CDS2: variants seen among roughly 807,000 people sequenced by gnomAD.
CDS2 encodes phosphatidate cytidylyltransferase 2.
A neutral mutation model predicts 59.0 loss-of-function variants in CDS2; 47 were observed. That is an observed-to-expected ratio of 0.80 (90% CI 0.63 to 1.02). The LOEUF is 1.02. Among genes scored for constraint, CDS2 ranks in the 50% least tolerant of loss-of-function variants. The pLI, the probability that CDS2 is intolerant of heterozygous loss-of-function variation, is 0.00. For missense variants in CDS2, 356 were observed against 558.9 expected, an observed-to-expected ratio of 0.64 and a Z score of 3.66; for synonymous variants, 207 against 206.4, an observed-to-expected ratio of 1.00 and a Z score of -0.02.
At chr20:5,182,780 A>G (rs907532795) in intron 6 of CDS2, among the ~76,000 whole-genome samples, 3 of 152,226 alleles carry the variant, frequency 2.0e-5, no homozygotes, top group African/African-American at 7.2e-5. Flanking sequence ...TCACTAGAGA[A>G]CAGCTCCTCT....
intron 9 of CDS2, 88 bp from the exon 10 acceptor site, chr20:5,186,599 T>A: frequency 2.2e-6 from 3 of 1,387,440 alleles, no homozygotes; most frequent in Non-Finnish European, 3.0e-6. Flanking sequence ...CTAGGCACCC[T>A]CAGGAACATG....
intron 4 of CDS2, 98 bp from the exon 5 acceptor site, chr20:5,178,719 G>T (rs1376383075): frequency 4.0e-6 from 5 of 1,247,400 alleles, no homozygotes; most frequent in Admixed American, 1.8e-5. Flanking sequence ...AGGGTGGGGG[G>T]TATTCTGCTG....
At chr20:5,129,724 G>A (rs1320979289) in intron 1 of CDS2, among the ~76,000 whole-genome samples, 1 of 151,732 alleles carries the variant, frequency 6.6e-6, no homozygotes, top group Non-Finnish European at 1.5e-5. Context: ...TTATAGGCAT[G>A]AGCCACTGTA....
rs2090657492 is a variant in CDS2, at chr20:5,137,430, G to A, written c.57+10281G>A. 3.3e-5 allele frequency among the ~76,000 whole-genome samples: 5 copies of A among 151,866 alleles called. No homozygotes were observed. In the South Asian group the frequency reaches 1.0e-3, roughly 32 times the overall value. ...GGCTAATTTTTGTATTTTTAGTAGA[G>A]TTGGGTTTCACCATGTTAGCCAGGC... is the stretch of plus-strand genomic sequence containing the variant. On this transcript the variant is annotated intron_variant, in intron 1 of 12. Coordinates refer to ENST00000460006, the MANE Select transcript of CDS2 (RefSeq NM_003818.4).
At chr20:5,181,800 C>T (rs2091035421) in intron 5 of CDS2, among the ~76,000 whole-genome samples, 2 of 152,108 alleles carry the variant, frequency 1.3e-5, no homozygotes, top group South Asian at 4.1e-4. Flanking sequence ...TAAATAAATA[C>T]TGTAGGCAAT....
At chr20:5,176,834 C>A in intron 4 of CDS2, 89 bp downstream of exon 4, 1 of 883,592 alleles carries the variant, frequency 1.1e-6, no homozygotes, top group Non-Finnish European at 1.9e-6. Context: ...ATTTCTATCA[C>A]TTGCTATAGA....
chr20:5,145,247 C>A (rs866385395), intron 1 of CDS2, among the ~76,000 whole-genome samples: 15 of 118,596 alleles, frequency 1.3e-4, no homozygotes, highest in African/African-American at 4.4e-4. Context: ...CCCCCCCCCC[C>A]GCCCCCGCCA....
intron 4 of CDS2, among the ~76,000 whole-genome samples, chr20:5,178,488 G>T (rs2091009932): frequency 6.6e-6 from 1 of 152,172 alleles, no homozygotes; most frequent in African/African-American, 2.4e-5. Flanking sequence ...GACTGGGGAA[G>T]CAGGATGAGG....
In CDS2 at chr20:5,189,080, T is replaced by G. The variant is rs751711090; in HGVS notation, c.995T>G (p.Met332Arg). The change falls in exon 11 of 13, where the codon ATG (methionine) becomes AGG (arginine). Residue 332 changes from methionine (M) to arginine (R), a missense_variant. Around this residue, in one of 5 missense-constraint regions of CDS2, gnomAD observed 88 missense variants for 103.6 expected, o/e 0.85. Coordinates refer to ENST00000460006, the MANE Select transcript of CDS2 (RefSeq NM_003818.4). Reference protein sequence around the residue: ...QSVIGWKTVRMYPFQIHSIAL... With the variant: ...QSVIGWKTVRRYPFQIHSIAL... Reference sequence around the variant, plus strand: ...TACTCTTCTCAGAAAACGGTCCGGATGTACCCCTTCCAGATTCACAGCATC... The same window carrying G: ...TACTCTTCTCAGAAAACGGTCCGGAGGTACCCCTTCCAGATTCACAGCATC... 6.2e-7 allele frequency: 1 copy of G among 1,614,200 alleles called. No individual in the cohort carries two copies. The highest frequency in any genetic ancestry group is 1.1e-5 in the South Asian group (1 of 91,088).
intron 5 of CDS2, among the ~76,000 whole-genome samples, chr20:5,179,405 A>G (rs1448645513): frequency 6.6e-6 from 1 of 152,244 alleles, no homozygotes; most frequent in Non-Finnish European, 1.5e-5. Context: ...TACAGGTGTG[A>G]GCCACCACGC....
intron 2 of CDS2, 113 bp from the exon 3 acceptor site, chr20:5,175,070 G>T (rs1049114029): frequency 2.2e-5 from 17 of 775,618 alleles, no homozygotes; most frequent in Non-Finnish European, 3.4e-5. Context: ...AATCTGGAAA[G>T]GACTGAGCTC....
chr20:5,162,421 T>G (rs940667314), intron 1 of CDS2, among the ~76,000 whole-genome samples: 2 of 152,188 alleles, frequency 1.3e-5, no homozygotes, highest in Non-Finnish European at 2.9e-5. Flanking sequence ...ACCTCTCAGG[T>G]TTCTGGCTTA....
intron 9 of CDS2, 111 bp from the exon 10 acceptor site, chr20:5,186,576 A>G (rs377325835): frequency 1.0e-6 from 1 of 961,334 alleles, no homozygotes. Context: ...CATAGCTCGC[A>G]GTTAGCAGGG....
Position 5,167,884 on chromosome 20 carries a change from A to T in CDS2, c.58-5639A>T, listed in dbSNP as rs541016062. Reference sequence around the variant, plus strand: ...TGAAGTTAGTCAGTGAAACTTGTGAATTTGAATGCAGTGTCAGTGGGAAAG... The same window carrying T: ...TGAAGTTAGTCAGTGAAACTTGTGATTTTGAATGCAGTGTCAGTGGGAAAG... On this transcript the variant is annotated intron_variant, in intron 1 of 12. Transcript: ENST00000460006. Among the ~76,000 whole-genome samples the T allele has an allele frequency of 3.3e-5, 5 of 152,368 alleles. No individual in the cohort carries two copies. In the East Asian group the frequency reaches 9.6e-4, roughly 29 times the overall value.
At chr20:5,141,055 C>G (rs908443382) in intron 1 of CDS2, among the ~76,000 whole-genome samples, 6 of 152,190 alleles carry the variant, frequency 3.9e-5, no homozygotes, top group Admixed American at 3.3e-4. Flanking sequence ...TAAAATCTCC[C>G]TCTCTGACCA....
intron 1 of CDS2, among the ~76,000 whole-genome samples, chr20:5,140,595 C>T (rs867821967): frequency 1.3e-5 from 2 of 152,144 alleles, no homozygotes; most frequent in African/African-American, 2.4e-5. Flanking sequence ...AGGGTTGTTC[C>T]GAGGCATTAT....
chr20:5,185,417 C>T (rs781159342), intron 8 of CDS2, among the ~76,000 whole-genome samples: 3 of 151,856 alleles, frequency 2.0e-5, no homozygotes, highest in African/African-American at 2.4e-5. Context: ...GGGGCAAGAT[C>T]GTGTCTTGAA....
intron 1 of CDS2, among the ~76,000 whole-genome samples, chr20:5,165,093 G>T (rs1463332037): frequency 6.6e-6 from 1 of 152,186 alleles, no homozygotes. Context: ...TCATGCAGAG[G>T]TTGGGACTCA....
At chr20:5,166,120 C>T (rs1180112076) in intron 1 of CDS2, among the ~76,000 whole-genome samples, 14 of 152,024 alleles carry the variant, frequency 9.2e-5, no homozygotes, top group Non-Finnish European at 2.1e-4. Flanking sequence ...GGACTCTAGG[C>T]TGAAGGTGAG....
Sources: gnomAD v4.1 joint callset for allele counts (sites outside exome capture counted in the v4.1 genomes callset) on GRCh38, gnomAD v4.1.1 for gene constraint, gnomAD v4.1.1 regional missense constraint, MANE v1.5 for transcripts, NCBI Gene and HGNC (gene_info 2026-07-23, HGNC 2026-07-21) for gene names.